NEXN: variants seen among roughly 807,000 people sequenced by gnomAD.
The protein encoded by NEXN is nexilin F-actin binding protein.
NEXN carries 65 observed loss-of-function variants against 92.6 expected under a neutral mutation model. That is an observed-to-expected ratio of 0.70 (90% CI 0.57 to 0.86). NEXN has a LOEUF of 0.86. Ranked by LOEUF, NEXN falls within the 40% of genes least tolerant of loss-of-function variation. The pLI is 0.00. For synonymous variants in NEXN, 254 were observed against 242.5 expected (o/e 1.05, Z -0.44); for missense variants, 778 against 771.1 (o/e 1.01, Z -0.11).
At chr1:77,918,620 C>T (rs1043699879) in intron 5 of NEXN, among the ~76,000 whole-genome samples, 1 of 146,640 alleles carries the variant, frequency 6.8e-6, no homozygotes, top group Non-Finnish European at 1.5e-5. Flanking sequence ...GAGCCAAGAT[C>T]ATGCCACTGG....
At chr1:77,937,622 G>T (rs1306558980) in intron 11 of NEXN, among the ~76,000 whole-genome samples, 1 of 152,172 alleles carries the variant, frequency 6.6e-6, no homozygotes, top group Non-Finnish European at 1.5e-5. Context: ...CCGGGAGGTG[G>T]AGACTGCAGT....
At chr1:77,934,229 C>T (rs746684176) in intron 10 of NEXN, among the ~76,000 whole-genome samples, 8 of 152,128 alleles carry the variant, frequency 5.3e-5, no homozygotes, top group Non-Finnish European at 7.4e-5. Flanking sequence ...AGGCTGATCT[C>T]GAACTCCTGA....
At chr1:77,895,253 G>A (rs761670809) in intron 1 of NEXN, among the ~76,000 whole-genome samples, 54 of 151,522 alleles carry the variant, frequency 3.6e-4, no homozygotes, top group Non-Finnish European at 7.1e-4. Context: ...CGCCGTGTTA[G>A]CCAGGATGGT....
chr1:77,895,191 C>G (rs376117570), intron 1 of NEXN, among the ~76,000 whole-genome samples: 25 of 151,530 alleles, frequency 1.6e-4, no homozygotes, highest in African/African-American at 6.1e-4. Flanking sequence ...ACTACAGGCA[C>G]CCGCCACCAT....
chr1:77,919,547 T>C (rs1453231239), intron 5 of NEXN, among the ~76,000 whole-genome samples: 1 of 151,504 alleles, frequency 6.6e-6, no homozygotes, highest in Non-Finnish European at 1.5e-5. Context: ...AGGGGTTACA[T>C]GGCCCATGCA....
At chr1:77,898,007 AAG>A (rs1250752275) in intron 1 of NEXN, among the ~76,000 whole-genome samples, 1 of 152,204 alleles carries the variant, frequency 6.6e-6, no homozygotes, top group African/African-American at 2.4e-5. Context: ...AATGAAATAA[AAG>A]AGGATACAAA....
chr1:77,898,938 A>C (rs574472575), intron 1 of NEXN, among the ~76,000 whole-genome samples: 265 of 152,312 alleles, frequency 1.7e-3, no homozygotes, highest in African/African-American at 6.1e-3. Flanking sequence ...CAGAGAAATG[A>C]AAATCAAAAC....
intron 8 of NEXN, among the ~76,000 whole-genome samples, chr1:77,927,546 G>A (rs1317630530): frequency 1.3e-5 from 2 of 151,810 alleles, no homozygotes; most frequent in Non-Finnish European, 2.9e-5. Context: ...TATGCAGTTT[G>A]TCCTATTAAG....
rs1553241790 is a variant in NEXN at position 77,942,026 on chromosome 1, G to A, written c.1477G>A (p.Asp493Asn). The A allele has an allele frequency of 6.2e-7, 1 of 1,612,402 alleles. No individual in the cohort carries two copies. Among genetic ancestry groups the A allele is most frequent in the Non-Finnish European group, 8.5e-7 (1 of 1,178,978 alleles). Residue 493 changes from aspartate (D) to asparagine (N), a missense_variant, in exon 12 of 13, where the codon GAT (aspartate) becomes AAT (asparagine). This residue lies in a region of NEXN where 532 missense variants were observed against 476.7 expected (regional missense o/e 1.12). Coordinates refer to ENST00000334785, the MANE Select transcript of NEXN (RefSeq NM_144573.4). ...ATCTTGGCCCACTTTCTTGCAGGAA[G>A]ATGATGTTGATGTTAGGCCTGCAAG... ...EREAENFHEE[D>N]DVDVRPARKS...
In NEXN at chr1:77,942,176, G is replaced by C. The variant is rs762898853; in HGVS notation, c.1627G>C (p.Glu543Gln). Residue 543 changes from glutamate (E) to glutamine (Q), a missense_variant, in exon 12 of 13, where the codon GAA becomes CAA. Physicochemically the swap from Glu to Gln is conservative, Grantham distance 29. Transcript: ENST00000334785. ...ACAAAAGTTACTACGCATGCAGTTTGAACAAAGGGAAATTGATGCAGCACT... is the reference window on the plus strand; with the variant it reads ...ACAAAAGTTACTACGCATGCAGTTTCAACAAAGGGAAATTGATGCAGCACT... Reference protein sequence around the residue: ...EEQKLLRMQFEQREIDAALQK... With the variant: ...EEQKLLRMQFQQREIDAALQK... 9 of 1,613,748 alleles carry C rather than the reference G, an allele frequency of 5.6e-6. No homozygotes were observed. Among genetic ancestry groups the C allele is most frequent in the Non-Finnish European group, 7.6e-6 (9 of 1,179,732 alleles).
At chr1:77,937,076 G>A (rs573610822) in intron 11 of NEXN, among the ~76,000 whole-genome samples, 18 of 151,416 alleles carry the variant, frequency 1.2e-4, no homozygotes, top group Admixed American at 7.2e-4. Context: ...TTGGGAGGCC[G>A]AGGTGGGTGG....
chr1:77,925,957 C>T (rs575229533), intron 6 of NEXN, among the ~76,000 whole-genome samples: 1 of 151,932 alleles, frequency 6.6e-6, no homozygotes, highest in Non-Finnish European at 1.5e-5. Flanking sequence ...CTTGGAAATA[C>T]TGTGTTTTTT....
chr1:77,892,740 C>T (rs146888640), intron 1 of NEXN, among the ~76,000 whole-genome samples: 4 of 152,010 alleles, frequency 2.6e-5, no homozygotes, highest in African/African-American at 7.2e-5. Flanking sequence ...TTGTTAGTGT[C>T]GATTAGAGCT....
chr1:77,911,372 A>G (rs1290900523), intron 1 of NEXN, among the ~76,000 whole-genome samples: 1 of 152,184 alleles, frequency 6.6e-6, no homozygotes, highest in Non-Finnish European at 1.5e-5. Flanking sequence ...CAGGTGGATT[A>G]CCTGAGGTCA....
chr1:77,907,593 T>TAG (rs1648210815), intron 1 of NEXN, among the ~76,000 whole-genome samples: 1 of 152,184 alleles, frequency 6.6e-6, no homozygotes, highest in South Asian at 2.1e-4. Flanking sequence ...CACTGAGTTT[T>TAG]AAAATGAGAG....
intron 6 of NEXN, among the ~76,000 whole-genome samples, chr1:77,925,492 C>T (rs1253863222): frequency 6.6e-6 from 1 of 152,118 alleles, no homozygotes; most frequent in Non-Finnish European, 1.5e-5. Flanking sequence ...AGATACTCTG[C>T]CAAGACAACG....
intron 1 of NEXN, among the ~76,000 whole-genome samples, chr1:77,899,105 C>A (rs1433610782): frequency 2.0e-5 from 3 of 152,122 alleles, no homozygotes; most frequent in Non-Finnish European, 2.9e-5. Flanking sequence ...TGTGGTGATT[C>A]CTCAGGGATC....
chr1:77,941,510 A>G (rs190407870), intron 11 of NEXN, among the ~76,000 whole-genome samples: 1 of 152,112 alleles, frequency 6.6e-6, no homozygotes, highest in Admixed American at 6.5e-5. Context: ...AGTTGTCTCT[A>G]CCTGTTTTTC....
intron 1 of NEXN, among the ~76,000 whole-genome samples, chr1:77,914,857 C>CA (rs566813851): frequency 0.047 from 3,193 of 67,278 alleles, 90 homozygotes; most frequent in African/African-American, 0.14. Flanking sequence ...AACTACGTCT[C>CA]AAAAAAAAAA....
Sources: allele counts gnomAD v4.1 joint callset (sites outside exome capture counted in the v4.1 genomes callset), GRCh38; gene constraint gnomAD v4.1.1; regional missense constraint gnomAD v4.1.1; transcripts MANE v1.5; gene names NCBI Gene and HGNC (gene_info 2026-07-23, HGNC 2026-07-21).